CYP3A43: variants seen among roughly 807,000 people sequenced by gnomAD.
The protein encoded by CYP3A43 is cytochrome P450 3A43.
In CYP3A43, 45 loss-of-function variants were observed where a neutral mutation model predicts 58.0. That is an observed-to-expected ratio of 0.78 (90% CI 0.61 to 0.99). The LOEUF (loss-of-function observed/expected upper bound fraction) is 0.99. Among genes scored for constraint, CYP3A43 ranks in the 50% least tolerant of loss-of-function variants. The probability of loss-of-function intolerance (pLI) is 0.00; values close to 1 mark genes in which losing one functional copy is unlikely to be tolerated. For missense variants in CYP3A43, 593 were observed against 591.9 expected, an observed-to-expected ratio of 1.00 and a Z score of -0.02; for synonymous variants, 191 against 201.4, an observed-to-expected ratio of 0.95 and a Z score of 0.44.
chr7:99,834,697 T>C (rs1816993281), intron 1 of CYP3A43, among the ~76,000 whole-genome samples: 1 of 152,202 alleles, frequency 6.6e-6, no homozygotes. Flanking sequence ...AGTTTTGTTT[T>C]TAGTCTCATC....
chr7:99,845,126 T>G (rs912903444), intron 4 of CYP3A43, among the ~76,000 whole-genome samples: 2 of 152,024 alleles, frequency 1.3e-5, no homozygotes, highest in Non-Finnish European at 2.9e-5. Flanking sequence ...TATGATACAT[T>G]TTGTGTTAAT....
intron 11 of CYP3A43, among the ~76,000 whole-genome samples, chr7:99,862,386 T>C (rs780152031): frequency 2.0e-5 from 3 of 152,176 alleles, no homozygotes; most frequent in Non-Finnish European, 4.4e-5. Flanking sequence ...TCCTGAGACA[T>C]CCTCATCCCT....
chr7:99,833,602 GT>G (rs1008657442), intron 1 of CYP3A43, among the ~76,000 whole-genome samples: 24 of 152,262 alleles, frequency 1.6e-4, no homozygotes, highest in East Asian at 3.9e-4. Flanking sequence ...GGGAAGTTGG[GT>G]TTTTTTCATA....
chr7:99,833,218 A>G (rs954909856), intron 1 of CYP3A43, among the ~76,000 whole-genome samples: 4 of 152,212 alleles, frequency 2.6e-5, no homozygotes, highest in East Asian at 1.9e-4. Flanking sequence ...GATGGGGTTC[A>G]GGAGGATATT....
chr7:99,853,941 G>C (rs1034676460), intron 7 of CYP3A43, among the ~76,000 whole-genome samples: 8 of 152,068 alleles, frequency 5.3e-5, no homozygotes, highest in Non-Finnish European at 1.2e-4. Context: ...TTTGATACAG[G>C]CATGAAATGT....
chr7:99,865,033 A>C (rs1231041223), intron 12 of CYP3A43, among the ~76,000 whole-genome samples: 1 of 148,228 alleles, frequency 6.7e-6, no homozygotes, highest in East Asian at 1.9e-4. Flanking sequence ...GGAAGAATAG[A>C]TAGGGTTTCA....
chr7:99,847,695 C>T (rs867500261), intron 5 of CYP3A43, 94 bp downstream of exon 5: 19 of 1,569,662 alleles, frequency 1.2e-5, no homozygotes, highest in Middle Eastern at 4.5e-4. Flanking sequence ...AATGGGTAGT[C>T]CACTGAGTTT....
chr7:99,843,003 C>T (rs1169187728), intron 3 of CYP3A43, among the ~76,000 whole-genome samples: 1 of 152,214 alleles, frequency 6.6e-6, no homozygotes, highest in Admixed American at 6.5e-5. Flanking sequence ...AATTATCCCT[C>T]CACCCAATCC....
intron 1 of CYP3A43, among the ~76,000 whole-genome samples, chr7:99,832,112 G>A (rs1298430343): frequency 2.0e-5 from 3 of 152,208 alleles, no homozygotes; most frequent in East Asian, 1.9e-4. Flanking sequence ...CCTAAAACAA[G>A]GTCAGTGTTT....
chr7:99,863,717 T>C lies in CYP3A43; in HGVS notation c.1416+18T>C, dbSNP rs771068904. 1.2e-5 allele frequency: 18 copies of C among 1,523,066 alleles called. No individual in the cohort carries two copies. The highest frequency in any genetic ancestry group is 1.6e-5 in the Non-Finnish European group (18 of 1,133,942). 94.3% of individuals were successfully genotyped at this position (1,523,066 alleles called of 1,614,324 possible). ...AGACTCAGGTCAGTAAACTTTCTTA[T>C]AAATAATGTTTATTGGGAGTTTTTT... On this transcript the variant is annotated intron_variant, in intron 12 of 12. Transcript: ENST00000354829.
chr7:99,863,753 G>A, intron 12 of CYP3A43, 54 bp downstream of exon 12: 1 of 1,377,874 alleles, frequency 7.3e-7, no homozygotes. Context: ...AAACTGAGAA[G>A]TCTACATTTT....
At chr7:99,847,117 G>A (rs1817566665) in intron 4 of CYP3A43, among the ~76,000 whole-genome samples, 2 of 152,022 alleles carry the variant, frequency 1.3e-5, no homozygotes, top group Admixed American at 6.6e-5. Flanking sequence ...CTGCCAAGGC[G>A]ACCTGCCTAT....
At chr7:99,860,240 C>T (rs1266809034) in intron 10 of CYP3A43, among the ~76,000 whole-genome samples, 2 of 152,176 alleles carry the variant, frequency 1.3e-5, no homozygotes, top group Non-Finnish European at 2.9e-5. Flanking sequence ...CAACATAACA[C>T]CAAGTAAAAA....
intron 1 of CYP3A43, among the ~76,000 whole-genome samples, chr7:99,829,802 C>T (rs1471882341): frequency 2.0e-5 from 3 of 152,328 alleles, no homozygotes; most frequent in Admixed American, 6.5e-5. Flanking sequence ...ACATCACCTC[C>T]TGAAATGAGG....
chr7:99,844,810 C>T (rs767666252), intron 4 of CYP3A43, among the ~76,000 whole-genome samples: 2 of 152,058 alleles, frequency 1.3e-5, no homozygotes, highest in Non-Finnish European at 2.9e-5. Flanking sequence ...GTGGCTCACG[C>T]CTATAATCCC....
In CYP3A43 at chr7:99,847,516, G is replaced by T. The variant is rs770721537; in HGVS notation, c.347G>T (p.Ser116Ile). ...MPLGPMGFLK[S>I]ALSFAEDEEW... ...TTAGGTCCAATGGGATTTCTGAAAA[G>T]TGCCTTAAGTTTTGCTGAAGATGAA... Residue 116 changes from serine to isoleucine, a missense_variant, in exon 5 of 13, where the codon AGT (serine) becomes ATT (isoleucine). Ser to Ile is a moderately radical substitution (Grantham distance 142). Coordinates refer to ENST00000354829, the MANE Select transcript of CYP3A43 (RefSeq NM_057095.3). The T allele has an allele frequency of 1.9e-6, 3 of 1,613,952 alleles. No individual in the cohort carries two copies. Among genetic ancestry groups the T allele is most frequent in the Non-Finnish European group, 2.5e-6 (3 of 1,179,942 alleles).
At position 99,856,901 on chromosome 7, in the gene CYP3A43, T is replaced by TAACCAAG. The variant is rs767645774; in HGVS notation, c.865+6_865+12dup. On this transcript the variant is annotated splice_region_variant and intron_variant, in intron 9 of 12. Transcript: ENST00000354829. ...CCAAAGAAACAAAGTCCCATAAAGGTAACCAAGAACTGCATCTGGGGGCTA... is the reference window on the plus strand; with the variant it reads ...CCAAAGAAACAAAGTCCCATAAAGGTAACCAAGAACCAAGAACTGCATCTGGGGGCTA... 19 of 1,613,106 alleles carry TAACCAAG rather than the reference T, an allele frequency of 1.2e-5. No homozygotes were observed. The Admixed American group carries it at 1.3e-4, about 11-fold the overall frequency.
chr7:99,828,625 C>A (rs1252498007), intron 1 of CYP3A43, among the ~76,000 whole-genome samples: 2 of 151,910 alleles, frequency 1.3e-5, no homozygotes, highest in African/African-American at 4.8e-5. Flanking sequence ...TGCACCACTG[C>A]ATTCCAGCCT....
chr7:99,844,695 T>C (rs1247286629), intron 4 of CYP3A43, among the ~76,000 whole-genome samples: 1 of 152,212 alleles, frequency 6.6e-6, no homozygotes, highest in African/African-American at 2.4e-5. Context: ...TTATCCATTT[T>C]TCTTTTATAG....
Sources: gnomAD v4.1 joint callset for allele counts (sites outside exome capture counted in the v4.1 genomes callset) on GRCh38, gnomAD v4.1.1 for gene constraint, MANE v1.5 for transcripts, NCBI Gene and HGNC (gene_info 2026-07-23, HGNC 2026-07-21) for gene names.